The following ABCC4 variants were observed in gnomAD, a reference collection of about 807,000 sequenced individuals.
ABCC4 encodes ATP-binding cassette sub-family C member 4.
In ABCC4, 102 loss-of-function variants were observed where a neutral mutation model predicts 168.5. That is an observed-to-expected ratio of 0.61 (90% CI 0.52 to 0.71). ABCC4 has a LOEUF of 0.71. Ranked by LOEUF, ABCC4 falls within the 30% of genes least tolerant of loss-of-function variation. ABCC4 has a pLI of 0.00. For synonymous variants in ABCC4, 617 were observed against 590.7 expected (o/e 1.04, Z -0.65); for missense variants, 1,402 against 1,605.8 (o/e 0.87, Z 2.17).
chr13:95,272,586 A>C (rs1485877017), intron 1 of ABCC4, among the ~76,000 whole-genome samples: 4 of 152,162 alleles, frequency 2.6e-5, no homozygotes, highest in Non-Finnish European at 2.9e-5. Flanking sequence ...TGATTTTAGC[A>C]TCTAGTACTA....
intron 19 of ABCC4, among the ~76,000 whole-genome samples, chr13:95,117,255 T>TA (rs5805902): frequency 0.015 from 1,978 of 135,986 alleles, 75 homozygotes; most frequent in Admixed American, 0.085. Flanking sequence ...TCATGCCTGT[T>TA]AAAAAAAAAA....
At chr13:95,255,395 T>A (rs1264895176) in intron 1 of ABCC4, among the ~76,000 whole-genome samples, 1 of 152,114 alleles carries the variant, frequency 6.6e-6, no homozygotes, top group Non-Finnish European at 1.5e-5. Context: ...TTCTCTGTAG[T>A]CCAAAATAGC....
intron 19 of ABCC4, among the ~76,000 whole-genome samples, chr13:95,159,738 T>G (rs1594205166): frequency 6.6e-6 from 1 of 152,250 alleles, no homozygotes; most frequent in East Asian, 1.9e-4. Flanking sequence ...TTGTGTGGTC[T>G]CTGCAGTTTA....
intron 9 of ABCC4, among the ~76,000 whole-genome samples, chr13:95,191,496 A>T (rs143206707): frequency 6.6e-6 from 1 of 152,348 alleles, no homozygotes; most frequent in African/African-American, 2.4e-5. Flanking sequence ...AAAGTAATAC[A>T]TTACCTAAAC....
At chr13:95,272,735 A>C (rs1282399752) in intron 1 of ABCC4, among the ~76,000 whole-genome samples, 1 of 151,802 alleles carries the variant, frequency 6.6e-6, no homozygotes, top group Non-Finnish European at 1.5e-5. Flanking sequence ...TAAAAATCCA[A>C]AAATTAGCCA....
intron 11 of ABCC4, among the ~76,000 whole-genome samples, chr13:95,180,650 C>T (rs938811097): frequency 1.3e-5 from 2 of 152,116 alleles, no homozygotes; most frequent in African/African-American, 4.8e-5. Context: ...CAGCCTTCCA[C>T]ACAAACACAA....
chr13:95,112,389 T>G (rs1265135707), intron 20 of ABCC4, among the ~76,000 whole-genome samples: 1 of 151,922 alleles, frequency 6.6e-6, no homozygotes, highest in Non-Finnish European at 1.5e-5. Flanking sequence ...TAAATGCAAC[T>G]ACATTATTTA....
rs751318994 is a variant in ABCC4, at chr13:95,244,669, G to GAAAT, written c.306+2302_306+2305dup. On this transcript the variant is annotated intron_variant, in intron 3 of 30. Transcript: ENST00000645237. ...AGAAAGAAAGAAAGAAAGAAAGAAA[G>GAAAT]AAATCATAGCAGTTCCTGGTACATA... Among the ~76,000 whole-genome samples the GAAAT allele has an allele frequency of 1.7e-3, 119 of 68,024 alleles. 31 individuals carry two copies. The highest frequency in any genetic ancestry group is 2.4e-3 in the South Asian group (5 of 2,106). The allele number at this position is 68,024 out of a possible 152,430, so 44.6% of individuals were successfully genotyped here.
intron 11 of ABCC4, among the ~76,000 whole-genome samples, chr13:95,180,251 G>A (rs2037845596): frequency 6.6e-6 from 1 of 151,648 alleles, no homozygotes; most frequent in Non-Finnish European, 1.5e-5. Flanking sequence ...CTTCCTTTCA[G>A]TTTTCATAAA....
At chr13:95,075,855 C>A in intron 21 of ABCC4, 1 of 294,712 alleles carries the variant, frequency 3.4e-6, no homozygotes, top group East Asian at 6.5e-5. Context: ...TCCTCCTCTC[C>A]ATATTCTTCC....
chr13:95,083,305 G>T lies in ABCC4; in HGVS notation c.2536-15C>A. On this transcript the variant is annotated splice_polypyrimidine_tract_variant and intron_variant, in intron 20 of 30. Coordinates refer to ENST00000645237, the MANE Select transcript of ABCC4 (RefSeq NM_005845.5). ...TGTAGCAATGTCTGAAATAGCAGAA[G>T]TAGATGCAGGTTTTCCTTATCAAGT... 6.2e-7 allele frequency: 1 copy of T among 1,611,154 alleles called. No individual in the cohort carries two copies. Among genetic ancestry groups the T allele is most frequent in the Non-Finnish European group, 8.5e-7 (1 of 1,179,046 alleles).
At position 95,301,379 on chromosome 13, in the gene ABCC4, G is replaced by T. The variant is rs1441686540; in HGVS notation, c.-65C>A. On this transcript the variant is annotated 5_prime_UTR_variant, in exon 1 of 31. Transcript: ENST00000645237. ...TCAGGCGGCGGTGGCCGCGGGCTCC[G>T]CTCCTGGACCTCAAGCAGGGATGCT... 3.5e-6 allele frequency: 5 copies of T among 1,421,640 alleles called. No individual in the cohort carries two copies. The highest frequency in any genetic ancestry group is 2.2e-5 in the Admixed American group (1 of 44,860). The allele number at this position is 1,421,640 out of a possible 1,614,324, so 88.1% of individuals were successfully genotyped here. A position where few individuals can be genotyped will look rare whatever the true frequency, so the allele number is the denominator to read the frequency against.
rs548116083 is a variant in ABCC4, at chr13:95,194,520, C to G, written c.1263+316G>C. Reference sequence around the variant, plus strand: ...CAGTTAACCCATTCCATGCTGCACCCCTAGTCTGTCCAATCCTATAAAATC... The same window carrying G: ...CAGTTAACCCATTCCATGCTGCACCGCTAGTCTGTCCAATCCTATAAAATC... On this transcript the variant is annotated intron_variant, in intron 9 of 30. Transcript: ENST00000645237. Among the ~76,000 whole-genome samples, 6 of 152,340 alleles carry G rather than the reference C, an allele frequency of 3.9e-5. No homozygotes were observed. In the South Asian group the frequency reaches 1.2e-3, roughly 32 times the overall value.
chr13:95,080,849 A>G (rs1169837935), intron 21 of ABCC4, among the ~76,000 whole-genome samples: 1 of 152,120 alleles, frequency 6.6e-6, no homozygotes, highest in Admixed American at 6.6e-5. Flanking sequence ...AGGCTTTGGA[A>G]ATCCTTGAGG....
intron 10 of ABCC4, among the ~76,000 whole-genome samples, 159 bp downstream of exon 10, chr13:95,188,294 T>A (rs2038133277): frequency 6.6e-6 from 1 of 152,242 alleles, no homozygotes; most frequent in African/African-American, 2.4e-5. Flanking sequence ...TATTTGGTCA[T>A]GTGACCCTTC....
chr13:95,077,347 A>AT (rs1287056267), intron 21 of ABCC4, among the ~76,000 whole-genome samples: 2 of 151,738 alleles, frequency 1.3e-5, no homozygotes, highest in Non-Finnish European at 1.5e-5. Context: ...TTATTTATTT[A>AT]TTTTTTTCTG....
intron 1 of ABCC4, among the ~76,000 whole-genome samples, chr13:95,274,217 A>T (rs1424518154): frequency 2.0e-5 from 3 of 152,004 alleles, no homozygotes; most frequent in Non-Finnish European, 2.9e-5. Flanking sequence ...CAGCAGGGTG[A>T]CCCTGTTCAG....
chr13:95,247,852 A>G (rs1172709235), intron 1 of ABCC4, 99 bp from the exon 2 acceptor site: 7 of 816,574 alleles, frequency 8.6e-6, no homozygotes, highest in East Asian at 7.4e-5. Context: ...CCTTTAAAAT[A>G]CATACAGCTA....
intron 26 of ABCC4, 89 bp from the exon 27 acceptor site, chr13:95,053,273 A>G (rs2032916508): frequency 1.0e-6 from 1 of 987,640 alleles, no homozygotes. Context: ...TTAAGATACC[A>G]AAAAATAAAA....
Sources: gnomAD v4.1 joint callset for allele counts (sites outside exome capture counted in the v4.1 genomes callset) on GRCh38, gnomAD v4.1.1 for gene constraint, MANE v1.5 for transcripts, NCBI Gene and HGNC (gene_info 2026-07-23, HGNC 2026-07-21) for gene names.